The following PCCA variants were observed in gnomAD, a reference collection of about 807,000 sequenced individuals.
The protein encoded by PCCA is propionyl-CoA carboxylase subunit alpha, also known as propionyl-CoA carboxylase alpha chain, mitochondrial.
PCCA carries 74 observed loss-of-function variants against 101.3 expected under a neutral mutation model. That is an observed-to-expected ratio of 0.73 (90% CI 0.61 to 0.89). The LOEUF (loss-of-function observed/expected upper bound fraction) is 0.89, where lower values mean the gene tolerates loss of function less well. Among genes scored for constraint, PCCA ranks in the 40% least tolerant of loss-of-function variants. The probability of loss-of-function intolerance (pLI) is 0.00; values close to 1 mark genes in which losing one functional copy is unlikely to be tolerated. For synonymous variants in PCCA, 294 were observed against 313.6 expected, an observed-to-expected ratio of 0.94 and a Z score of 0.66; for missense variants, 891 against 907.0, an observed-to-expected ratio of 0.98 and a Z score of 0.23.
rs150494060 is a variant in PCCA at position 100,156,845 on chromosome 13, T to C, written c.415-442T>C. Among the ~76,000 whole-genome samples the C allele has an allele frequency of 7.9e-3, 1,204 of 152,334 alleles. 10 individuals are homozygous for C. Among genetic ancestry groups the C allele is most frequent in the Middle Eastern group, 0.031 (9 of 294 alleles). On this transcript the variant is annotated intron_variant, in intron 5 of 23. Transcript: ENST00000376285. ...TGAGTACTGTAAAGAAAGGAGAATT[T>C]AGAGTTTTTCATCCATCTTTGCCAA...
chr13:100,441,989 C>CTTTTTTTTTTTTT (rs776208311), intron 20 of PCCA, among the ~76,000 whole-genome samples: 1 of 128,528 alleles, frequency 7.8e-6, no homozygotes, highest in African/African-American at 2.7e-5. Flanking sequence ...TTCCTTTTTT[C>CTTTTTTTTTTTTT]TTTTTTTTTT....
chr13:100,367,301 C>T (rs2075248223), intron 18 of PCCA, among the ~76,000 whole-genome samples: 1 of 152,098 alleles, frequency 6.6e-6, no homozygotes, highest in Admixed American at 6.5e-5. Flanking sequence ...ATAAGACTAA[C>T]ATTGTTCATA....
chr13:100,264,277 A>G (rs767638282), intron 10 of PCCA, among the ~76,000 whole-genome samples: 1 of 151,112 alleles, frequency 6.6e-6, no homozygotes, highest in Non-Finnish European at 1.5e-5. Flanking sequence ...ATATATATGT[A>G]TATATATATA....
intron 19 of PCCA, among the ~76,000 whole-genome samples, chr13:100,373,116 TG>T (rs1472686806): frequency 1.3e-5 from 2 of 152,098 alleles, no homozygotes; most frequent in Non-Finnish European, 2.9e-5. Flanking sequence ...CAATTAAAAA[TG>T]GGCAAAGGAC....
chr13:100,292,933 T>TTG (rs1282926029), intron 12 of PCCA, among the ~76,000 whole-genome samples: 3 of 17,998 alleles, frequency 1.7e-4, no homozygotes, highest in African/African-American at 7.0e-4. Flanking sequence ...CTTTCCAAAT[T>TTG]CGTGTGTGTG....
At chr13:100,474,331 G>A (rs181358622) in intron 21 of PCCA, among the ~76,000 whole-genome samples, 66 of 152,180 alleles carry the variant, frequency 4.3e-4, no homozygotes, top group Admixed American at 1.3e-3. Context: ...TATAGTGAAC[G>A]TCCTGCTTAC....
At chr13:100,341,987 T>TATATATATATATATATATTTA (rs1566963825) in intron 18 of PCCA, among the ~76,000 whole-genome samples, 5 of 68,818 alleles carry the variant, frequency 7.3e-5, no homozygotes, top group African/African-American at 2.2e-4. Flanking sequence ...ATATATGTAT[T>TATATATATATATATATATTTA]TATGTGTGTG....
At chr13:100,130,736 C>T (rs1054453727) in intron 4 of PCCA, among the ~76,000 whole-genome samples, 1 of 152,058 alleles carries the variant, frequency 6.6e-6, no homozygotes, top group Non-Finnish European at 1.5e-5. Context: ...GTAAAGGGGA[C>T]TTTATAATTA....
At chr13:100,132,772 T>C (rs1357313718) in intron 4 of PCCA, among the ~76,000 whole-genome samples, 1 of 152,048 alleles carries the variant, frequency 6.6e-6, no homozygotes, top group African/African-American at 2.4e-5. Flanking sequence ...TTCAGCAGTC[T>C]TGTCAGTATT....
rs759660836 is a variant in PCCA, at chr13:100,131,636, T to TA, written c.300+19576dup. Among the ~76,000 whole-genome samples, 17 of 152,366 alleles carry TA rather than the reference T, an allele frequency of 1.1e-4. No individual in the cohort carries two copies. In the East Asian group the frequency reaches 3.3e-3, roughly 29 times the overall value. On this transcript the variant is annotated intron_variant, in intron 4 of 23. Transcript: ENST00000376285. ...AATTTTTACCTAGTATGCTTTTTTTTATACAGTGTTTTAAAGTGTTGGAAA... is the reference window on the plus strand; with the variant it reads ...AATTTTTACCTAGTATGCTTTTTTTTAATACAGTGTTTTAAAGTGTTGGAAA...
At chr13:100,257,702 A>C in intron 9 of PCCA, 29 bp downstream of exon 9, 1 of 1,536,542 alleles carries the variant, frequency 6.5e-7, no homozygotes, top group Non-Finnish European at 9.0e-7. Flanking sequence ...TATACTTTTG[A>C]TGAAAATTGC....
intron 16 of PCCA, among the ~76,000 whole-genome samples, chr13:100,328,410 GATAATA>G (rs1227585271): frequency 6.8e-5 from 10 of 146,272 alleles, no homozygotes; most frequent in African/African-American, 2.5e-4. Flanking sequence ...TAATAATGAT[GATAATA>G]ATAATATATT....
intron 21 of PCCA, among the ~76,000 whole-genome samples, chr13:100,475,622 T>G (rs1026238101): frequency 6.6e-6 from 1 of 152,206 alleles, no homozygotes; most frequent in Non-Finnish European, 1.5e-5. Flanking sequence ...TACGAGTTTT[T>G]GGGGCGACAA....
chr13:100,245,755 T>A (rs191441061), intron 8 of PCCA, among the ~76,000 whole-genome samples: 1 of 152,370 alleles, frequency 6.6e-6, no homozygotes, highest in African/African-American at 2.4e-5. Context: ...TATCTACTTC[T>A]CTGCATTTCT....
intron 19 of PCCA, among the ~76,000 whole-genome samples, chr13:100,384,214 C>T (rs372831488): frequency 2.0e-5 from 3 of 152,090 alleles, no homozygotes; most frequent in South Asian, 2.1e-4. Context: ...TAAGTAGAGA[C>T]GGGGTTTCAC....
chr13:100,103,834 C>G (rs2047506479), intron 2 of PCCA, among the ~76,000 whole-genome samples: 1 of 151,948 alleles, frequency 6.6e-6, no homozygotes, highest in Non-Finnish European at 1.5e-5. Flanking sequence ...CAGGGTTTCA[C>G]CATGTTGGCC....
intron 4 of PCCA, among the ~76,000 whole-genome samples, chr13:100,145,334 G>T (rs961386345): frequency 2.6e-5 from 4 of 152,168 alleles, no homozygotes; most frequent in African/African-American, 9.7e-5. Flanking sequence ...CATCCCTGGC[G>T]TCTTACCCTC....
chr13:100,359,968 G>C (rs1401466208), intron 18 of PCCA, among the ~76,000 whole-genome samples: 1 of 152,122 alleles, frequency 6.6e-6, no homozygotes, highest in Non-Finnish European at 1.5e-5. Context: ...AATTTCTATG[G>C]AAATGCAAAG....
intron 18 of PCCA, among the ~76,000 whole-genome samples, chr13:100,341,426 C>T (rs1024428127): frequency 6.6e-5 from 10 of 152,118 alleles, no homozygotes; most frequent in African/African-American, 1.9e-4. Flanking sequence ...CATAGTTGTG[C>T]GGTCTAGTAT....
Sources: gnomAD v4.1 joint callset for allele counts (sites outside exome capture counted in the v4.1 genomes callset) on GRCh38, gnomAD v4.1.1 for gene constraint, MANE v1.5 for transcripts, NCBI Gene and HGNC (gene_info 2026-07-23, HGNC 2026-07-21) for gene names.